Variants in UMOD observed in about 807,000 individuals in gnomAD.
UMOD encodes the protein uromodulin, also known as Tamm-Horsfall urinary glycoprotein.
UMOD carries 64 observed loss-of-function variants against 66.0 expected under a neutral mutation model. The observed-to-expected ratio is 0.97, with a 90% CI of 0.79 to 1.19. The LOEUF (loss-of-function observed/expected upper bound fraction) is 1.19. Ranked by LOEUF, UMOD falls within the 50% of genes most tolerant of loss-of-function variation. UMOD has a pLI of 0.00. For missense variants in UMOD, 764 were observed against 850.9 expected, an observed-to-expected ratio of 0.90 and a Z score of 1.27; for synonymous variants, 398 against 352.7, an observed-to-expected ratio of 1.13 and a Z score of -1.44.
Position 20,333,143 on chromosome 16 carries a change from T to G in UMOD, c.*171A>C. 1.4e-6 allele frequency: 1 copy of G among 716,370 alleles called. No homozygotes were observed. The highest frequency in any genetic ancestry group is 2.5e-6 in the Non-Finnish European group (1 of 403,120). 44.4% of individuals were successfully genotyped at this position (716,370 alleles called of 1,614,324 possible). ...AGTCCCATTTTGAGAAAAAGCAGCA[T>G]TTAAAGACACAGGCTGTTTCTCGAC... On this transcript the variant is annotated 3_prime_UTR_variant, in exon 11 of 11. Coordinates refer to ENST00000396138, the MANE Select transcript of UMOD (RefSeq NM_003361.4).
chr16:20,349,324 AG>A, intron 2 of UMOD, 112 bp from the exon 3 acceptor site: 3 of 1,222,244 alleles, frequency 2.5e-6, no homozygotes. Context: ...TATTCCCTAG[AG>A]GGCTCCCTCC....
At chr16:20,336,359 C>T (rs969347843) in intron 9 of UMOD, among the ~76,000 whole-genome samples, 2 of 152,210 alleles carry the variant, frequency 1.3e-5, no homozygotes, top group Non-Finnish European at 2.9e-5. Context: ...TTTGTGGCCT[C>T]ATGTGTGTGC....
upstream of UMOD, chr16:20,352,817 G>T: frequency 9.3e-7 from 1 of 1,070,616 alleles, no homozygotes; most frequent in Non-Finnish European, 1.2e-6. Flanking sequence ...GTTTTCTTGG[G>T]GGTGGAATAT....
At chr16:20,343,643 C>T (rs1044397841) in intron 6 of UMOD, among the ~76,000 whole-genome samples, 6 of 152,170 alleles carry the variant, frequency 3.9e-5, no homozygotes, top group Admixed American at 3.3e-4. Flanking sequence ...CTCAAGCGAT[C>T]CTCCCATATC....
In UMOD at chr16:20,350,828, A is replaced by T. The variant is rs1194040993; in HGVS notation, c.-91T>A. ...CTTTGAATTTTTCTCTCTGTCTCTG[A>T]TGTCTGGTGTCCTGTGAACAGAGAT... is the stretch of plus-strand genomic sequence containing the variant. On this transcript the variant is annotated 5_prime_UTR_variant, in exon 2 of 11. Coordinates refer to ENST00000396138, the MANE Select transcript of UMOD (RefSeq NM_003361.4). The T allele has an allele frequency of 6.3e-7, 1 of 1,581,120 alleles. No individual in the cohort carries two copies. The highest frequency in any genetic ancestry group is 8.6e-7 in the Non-Finnish European group (1 of 1,164,054).
rs761073629 is a variant in UMOD at position 20,344,181 on chromosome 16, G to A, written c.1183-9C>T. 6.2e-7 allele frequency: 1 copy of A among 1,607,278 alleles called. No homozygotes were observed. Among genetic ancestry groups the A allele is most frequent in the Admixed American group, 1.7e-5 (1 of 59,828 alleles). ...GCATGGGTTTCATTCCTCTGTTGCA[G>A]GGAATGGGGGTGGAGGGGGGGTGGG... On this transcript the variant is annotated splice_polypyrimidine_tract_variant and intron_variant, in intron 5 of 10. Coordinates refer to ENST00000396138, the MANE Select transcript of UMOD (RefSeq NM_003361.4).
intron 10 of UMOD, among the ~76,000 whole-genome samples, chr16:20,335,068 C>T (rs1263621022): frequency 6.6e-6 from 1 of 152,030 alleles, no homozygotes; most frequent in Non-Finnish European, 1.5e-5. Flanking sequence ...CCTTGTGATC[C>T]GCCCGCCTCA....
chr16:20,341,403 G>A (rs2141648963), intron 6 of UMOD, 67 bp from the exon 7 acceptor site: 1 of 1,602,944 alleles, frequency 6.2e-7, no homozygotes, highest in South Asian at 1.1e-5. Flanking sequence ...CACCTTCTCT[G>A]ATTTGCATTC....
chr16:20,350,977 C>G lies in UMOD; in HGVS notation c.-102-138G>C. 5 of 826,580 alleles carry G rather than the reference C, an allele frequency of 6.0e-6. No individual in the cohort carries two copies. In the Admixed American group the frequency reaches 1.5e-4, roughly 24 times the overall value. The allele number at this position is 826,580 out of a possible 1,614,324, so 51.2% of individuals were successfully genotyped here. A position where few individuals can be genotyped will look rare whatever the true frequency, so the allele number is the denominator to read the frequency against. On this transcript the variant is annotated intron_variant, in intron 1 of 10. Coordinates refer to ENST00000396138, the MANE Select transcript of UMOD (RefSeq NM_003361.4). ...TAAAAAATTGCATAACACTGCAGCCCTTGTTTTGCTGGGACTTTACCCCTT... is the reference window on the plus strand; with the variant it reads ...TAAAAAATTGCATAACACTGCAGCCGTTGTTTTGCTGGGACTTTACCCCTT...
At position 20,337,300 on chromosome 16, in the gene UMOD, C is replaced by T; in HGVS notation, c.1731G>A (p.Lys577=). ...AGGGGAGTCAACTCACAGGCTTGCA[C>T]TTTTCATTCATGGTGTCACAGAGAT... ...EVYLCDTMNE[K]CKPTCSGTRF... Residue 577 remains lysine, a synonymous_variant, in exon 8 of 11, where the codon AAG becomes AAA. Coordinates refer to ENST00000396138, the MANE Select transcript of UMOD (RefSeq NM_003361.4). 6.2e-7 allele frequency: 1 copy of T among 1,614,180 alleles called. No homozygotes were observed.
At chr16:20,344,626 CA>C (rs1965440022) in intron 5 of UMOD, among the ~76,000 whole-genome samples, 4 of 149,552 alleles carry the variant, frequency 2.7e-5, no homozygotes, top group African/African-American at 9.8e-5. Context: ...AATCCCACAA[CA>C]GTTAAAAACT....
At chr16:20,352,822 G>A (rs1307169957), upstream of UMOD, 43 of 1,035,266 alleles carry the variant, frequency 4.2e-5, no homozygotes, top group Non-Finnish European at 4.9e-5. Context: ...CTTGGGGGTG[G>A]AATATTTTTT....
Position 20,337,281 on chromosome 16 carries a change from GTCAAC to G in UMOD, c.1740+5_1740+9del. On this transcript the variant is annotated splice_donor_5th_base_variant and intron_variant, in intron 8 of 10. Transcript: ENST00000396138. The stretch of plus-strand genomic sequence containing the variant: ...ACAAGAGATGGGCTGGGGGAGGGGA[GTCAAC>G]TCACAGGCTTGCACTTTTCATTCAT... The G allele has an allele frequency of 6.2e-7, 1 of 1,614,134 alleles. No homozygotes were observed. The highest frequency in any genetic ancestry group is 8.5e-7 in the Non-Finnish European group (1 of 1,180,000).
At chr16:20,350,565 T>C in intron 2 of UMOD, 85 bp downstream of exon 2, 1 of 1,528,536 alleles carries the variant, frequency 6.5e-7, no homozygotes, top group East Asian at 2.3e-5. Flanking sequence ...AGATCACCTC[T>C]GACAGGTGCT....
At chr16:20,348,132 A>G (rs1965684876) in intron 4 of UMOD, 91 bp downstream of exon 4, 1 of 1,140,852 alleles carries the variant, frequency 8.8e-7, no homozygotes. Flanking sequence ...CGTCATACCC[A>G]TATGGCCCCA....
intron 10 of UMOD, 121 bp downstream of exon 10, chr16:20,335,361 A>G: frequency 1.0e-6 from 1 of 1,001,788 alleles, no homozygotes; most frequent in East Asian, 2.6e-5. Flanking sequence ...CTCCTTATTT[A>G]GAAAACGGAA....
At chr16:20,347,048 C>T (rs1309339860) in intron 4 of UMOD, among the ~76,000 whole-genome samples, 1 of 152,036 alleles carries the variant, frequency 6.6e-6, no homozygotes, top group Non-Finnish European at 1.5e-5. Flanking sequence ...CGGAGTTTCT[C>T]TCTTCGGCGA....
At chr16:20,349,377 T>C (rs886588327) in intron 2 of UMOD, among the ~76,000 whole-genome samples, 165 bp from the exon 3 acceptor site, 10 of 152,274 alleles carry the variant, frequency 6.6e-5, no homozygotes, top group Non-Finnish European at 1.0e-4. Flanking sequence ...CCTCTGATGA[T>C]GTCAAGCCTC....
chr16:20,349,261 G>A, intron 2 of UMOD, 49 bp from the exon 3 acceptor site: 5 of 1,581,226 alleles, frequency 3.2e-6, no homozygotes, highest in Non-Finnish European at 4.3e-6. Flanking sequence ...TGGGCCCATG[G>A]CCACCCAGAG....
Sources: gnomAD v4.1 joint callset for allele counts (sites outside exome capture counted in the v4.1 genomes callset) on GRCh38, gnomAD v4.1.1 for gene constraint, MANE v1.5 for transcripts, NCBI Gene and HGNC (gene_info 2026-07-23, HGNC 2026-07-21) for gene names.